ATG7: variants seen among roughly 807,000 people sequenced by gnomAD.
ATG7 encodes the protein autophagy related 7.
ATG7 carries 70 observed loss-of-function variants against 82.4 expected under a neutral mutation model. The observed-to-expected ratio is 0.85, with a 90% confidence interval of 0.70 to 1.04. The LOEUF (loss-of-function observed/expected upper bound fraction) is 1.04, where lower values mean the gene tolerates loss of function less well. Among genes scored for constraint, ATG7 ranks in the 50% least tolerant of loss-of-function variants. The pLI, the probability that ATG7 is intolerant of heterozygous loss-of-function variation, is 0.00. For synonymous variants in ATG7, 287 were observed against 313.0 expected (o/e 0.92, Z 0.88); for missense variants, 792 against 864.3 (o/e 0.92, Z 1.05).
At chr3:11,548,011 T>G (rs190627070) in intron 20 of ATG7, among the ~76,000 whole-genome samples, 18 of 152,006 alleles carry the variant, frequency 1.2e-4, no homozygotes, top group Admixed American at 2.0e-4. Context: ...CCAACTAGTT[T>G]TTAAATTTTT....
chr3:11,376,949 C>CA (rs1484837766), intron 18 of ATG7, among the ~76,000 whole-genome samples: 1 of 152,132 alleles, frequency 6.6e-6, no homozygotes, highest in Admixed American at 6.5e-5. Flanking sequence ...CCGTGTTAGC[C>CA]AGGATGGTCT....
At chr3:11,529,484 C>T (rs1456751179) in intron 20 of ATG7, 2 of 153,286 alleles carry the variant, frequency 1.3e-5, no homozygotes, top group Non-Finnish European at 2.9e-5. Flanking sequence ...AAAATCAGGA[C>T]TTAGAAATAC....
intron 20 of ATG7, among the ~76,000 whole-genome samples, chr3:11,551,016 A>G (rs922797834): frequency 2.0e-5 from 3 of 152,030 alleles, no homozygotes; most frequent in African/African-American, 7.2e-5. Flanking sequence ...TCTTTTTCCA[A>G]GTGACTCTCT....
chr3:11,418,871 C>T lies in ATG7; in HGVS notation c.1957-7933C>T, dbSNP rs1054762115. 3.9e-5 allele frequency among the ~76,000 whole-genome samples: 6 copies of T among 152,184 alleles called. No individual in the cohort carries two copies. In the South Asian group the frequency reaches 6.2e-4, roughly 16 times the overall value. On this transcript the variant is annotated intron_variant, in intron 19 of 20. Coordinates refer to ENST00000693202, the MANE Select transcript of ATG7 (RefSeq NM_001349232.2). ...GGGAAGCAAGGCACTTCTTACATGG[C>T]GGCAGGAGAAAGAGAGCAAAGGGGG...
intron 20 of ATG7, among the ~76,000 whole-genome samples, chr3:11,430,973 G>T (rs994456965): frequency 6.6e-6 from 1 of 152,206 alleles, no homozygotes; most frequent in Non-Finnish European, 1.5e-5. Flanking sequence ...CTGAATAAAG[G>T]TCTCCGAGGC....
intron 20 of ATG7, among the ~76,000 whole-genome samples, chr3:11,553,179 T>C (rs2071990188): frequency 6.6e-6 from 1 of 152,198 alleles, no homozygotes. Context: ...CCCGCCCTTT[T>C]CCACACACCC....
At chr3:11,558,225 T>C (rs753687381), downstream of ATG7, 14 of 392,994 alleles carry the variant, frequency 3.6e-5, no homozygotes, top group Non-Finnish European at 6.0e-5. Flanking sequence ...CATCATGGCT[T>C]GTGACTGAGA....
chr3:11,412,990 T>C (rs569743495), intron 19 of ATG7, among the ~76,000 whole-genome samples: 53 of 152,246 alleles, frequency 3.5e-4, no homozygotes, highest in African/African-American at 1.3e-3. Flanking sequence ...TTTTAGATTG[T>C]TCATTATTAG....
At chr3:11,567,168 C>T in the ATG7 span, among the ~76,000 whole-genome samples, 2 of 152,136 alleles carry the variant, frequency 1.3e-5, no homozygotes, top group African/African-American at 4.8e-5. Context: ...TGACCCGAGG[C>T]GTTCCGAGCC....
At chr3:11,478,572 A>G (rs1282070678) in intron 20 of ATG7, among the ~76,000 whole-genome samples, 1 of 152,224 alleles carries the variant, frequency 6.6e-6, no homozygotes, top group African/African-American at 2.4e-5. Context: ...ACAGCTTTGG[A>G]TAATAAAATT....
chr3:11,279,410 G>A (rs1358048662), intron 1 of ATG7, among the ~76,000 whole-genome samples: 1 of 152,214 alleles, frequency 6.6e-6, no homozygotes, highest in Non-Finnish European at 1.5e-5. Flanking sequence ...GCTTGGCTGG[G>A]TGTGGTGGCT....
At chr3:11,384,079 C>T (rs983919592) in intron 19 of ATG7, among the ~76,000 whole-genome samples, 1 of 152,166 alleles carries the variant, frequency 6.6e-6, no homozygotes, top group Non-Finnish European at 1.5e-5. Flanking sequence ...ATGACTAGTC[C>T]TTCTCTAAAA....
At chr3:11,369,277 C>T (rs1187232668) in intron 18 of ATG7, among the ~76,000 whole-genome samples, 2 of 151,076 alleles carry the variant, frequency 1.3e-5, no homozygotes, top group Non-Finnish European at 3.0e-5. Flanking sequence ...TCCTGAGATG[C>T]AGCCCAGGAA....
chr3:11,393,347 G>T (rs1246163084), intron 19 of ATG7, among the ~76,000 whole-genome samples: 1 of 142,342 alleles, frequency 7.0e-6, no homozygotes, highest in Non-Finnish European at 1.5e-5. Flanking sequence ...CACACCTGGG[G>T]TATGCACTCC....
chr3:11,278,217 A>G (rs576829472), intron 1 of ATG7, among the ~76,000 whole-genome samples: 1 of 152,208 alleles, frequency 6.6e-6, no homozygotes, highest in Non-Finnish European at 1.5e-5. Context: ...TCAGCTTACA[A>G]AGATAACAGG....
intron 3 of ATG7, chr3:11,290,641 A>C (rs1338627064): frequency 1.1e-5 from 3 of 266,232 alleles, no homozygotes; most frequent in African/African-American, 7.0e-5. Context: ...ACAACCTTGA[A>C]GGCACCAGGA....
At chr3:11,497,576 T>C (rs1200589384) in intron 20 of ATG7, among the ~76,000 whole-genome samples, 1 of 149,006 alleles carries the variant, frequency 6.7e-6, no homozygotes, top group Non-Finnish European at 1.5e-5. Context: ...CTATTTCCCC[T>C]GATTTTCCGT....
At chr3:11,323,915 A>T (rs1950526548) in intron 9 of ATG7, among the ~76,000 whole-genome samples, 1 of 152,202 alleles carries the variant, frequency 6.6e-6, no homozygotes, top group Admixed American at 6.5e-5. Context: ...GCCATTTGTT[A>T]GATTAGCATG....
chr3:11,401,905 T>C (rs572747318), intron 19 of ATG7, among the ~76,000 whole-genome samples: 1 of 152,336 alleles, frequency 6.6e-6, no homozygotes, highest in South Asian at 2.1e-4. Context: ...CAGTAAGAAA[T>C]GCATGTTTTA....
Sources: allele counts gnomAD v4.1 joint callset (sites outside exome capture counted in the v4.1 genomes callset), GRCh38; gene constraint gnomAD v4.1.1; transcripts MANE v1.5; gene names NCBI Gene and HGNC (gene_info 2026-07-23, HGNC 2026-07-21).